The following WWC2 variants were observed in gnomAD, a reference collection of about 807,000 sequenced individuals.
The protein encoded by WWC2 is protein WWC2.
A neutral mutation model predicts 138.5 loss-of-function variants in WWC2; 101 were observed. The ratio of observed to expected loss-of-function variants is 0.73; its 90% CI spans 0.62 to 0.86. The LOEUF (loss-of-function observed/expected upper bound fraction) is 0.86. WWC2 is among the 40% of genes least tolerant of loss of function. The probability of loss-of-function intolerance (pLI) is 0.00; values close to 1 mark genes in which losing one functional copy is unlikely to be tolerated. For synonymous variants in WWC2, 558 were observed against 538.4 expected (o/e 1.04, Z -0.50); for missense variants, 1,420 against 1,419.4 (o/e 1.00, Z -0.01).
At chr4:183,227,478 C>A (rs2111279039) in intron 4 of WWC2, among the ~76,000 whole-genome samples, 1 of 152,120 alleles carries the variant, frequency 6.6e-6, no homozygotes, top group East Asian at 1.9e-4. Flanking sequence ...ATTTGATCTT[C>A]AGATGCTTGA....
intron 1 of WWC2, among the ~76,000 whole-genome samples, chr4:183,132,555 G>A (rs1732959502): frequency 6.6e-6 from 1 of 151,452 alleles, no homozygotes; most frequent in Non-Finnish European, 1.5e-5. Context: ...CCGGGTTCAC[G>A]CCATTCTCCT....
intron 1 of WWC2, among the ~76,000 whole-genome samples, chr4:183,136,341 C>G (rs1230104787): frequency 6.6e-6 from 1 of 152,138 alleles, no homozygotes; most frequent in Non-Finnish European, 1.5e-5. Flanking sequence ...TTGCGACTTT[C>G]ACTTCACAAA....
At chr4:183,170,941 T>G (rs911024723) in intron 1 of WWC2, among the ~76,000 whole-genome samples, 1 of 152,142 alleles carries the variant, frequency 6.6e-6, no homozygotes, top group Non-Finnish European at 1.5e-5. Context: ...CAGTCTCCTA[T>G]TATGACATTT....
At chr4:183,310,747 T>G (rs942782963) in intron 21 of WWC2, among the ~76,000 whole-genome samples, 1 of 146,096 alleles carries the variant, frequency 6.8e-6, no homozygotes, top group African/African-American at 2.5e-5. Context: ...TTGAGCAATC[T>G]TCCCACCTTG....
intron 5 of WWC2, among the ~76,000 whole-genome samples, chr4:183,241,200 C>G (rs531340360): frequency 6.6e-6 from 1 of 152,338 alleles, no homozygotes; most frequent in East Asian, 1.9e-4. Context: ...CCCGGCATCT[C>G]CCGTGGTAGC....
chr4:183,257,062 G>T (rs1304376230), intron 9 of WWC2, among the ~76,000 whole-genome samples: 1 of 152,124 alleles, frequency 6.6e-6, no homozygotes, highest in South Asian at 2.1e-4. Context: ...TGCAGGGAAG[G>T]TGTTTCTATG....
At chr4:183,188,848 G>C (rs1416988178) in intron 1 of WWC2, among the ~76,000 whole-genome samples, 1 of 151,746 alleles carries the variant, frequency 6.6e-6, no homozygotes, top group Non-Finnish European at 1.5e-5. Flanking sequence ...GTTTCACCAA[G>C]TTGGCCAGGC....
At chr4:183,269,285 A>C in intron 15 of WWC2, 122 bp downstream of exon 15, 1 of 931,306 alleles carries the variant, frequency 1.1e-6, no homozygotes, top group East Asian at 2.6e-5. Context: ...ACATCTTGGG[A>C]TACATCTAGT....
intron 1 of WWC2, among the ~76,000 whole-genome samples, chr4:183,170,626 C>A (rs758816563): frequency 6.6e-6 from 1 of 152,176 alleles, no homozygotes; most frequent in Admixed American, 6.5e-5. Context: ...TGTTGATTTT[C>A]ATACTATTTA....
intron 21 of WWC2, among the ~76,000 whole-genome samples, chr4:183,297,147 T>C (rs552681859): frequency 4.6e-5 from 7 of 151,818 alleles, no homozygotes. Flanking sequence ...GCCAATTTTA[T>C]TTTTTTGTAG....
At chr4:183,133,719 A>G (rs371287808) in intron 1 of WWC2, among the ~76,000 whole-genome samples, 5 of 150,958 alleles carry the variant, frequency 3.3e-5, no homozygotes, top group South Asian at 2.1e-4. Context: ...CTGGTCTTGA[A>G]CTCCTCACCT....
intron 4 of WWC2, among the ~76,000 whole-genome samples, chr4:183,223,406 G>A (rs187265250): frequency 2.1e-4 from 32 of 152,260 alleles, no homozygotes; most frequent in African/African-American, 5.5e-4. Context: ...CCATATTTCC[G>A]TCACATCTCA....
At chr4:183,195,439 C>T (rs1023536802) in intron 2 of WWC2, among the ~76,000 whole-genome samples, 3 of 152,174 alleles carry the variant, frequency 2.0e-5, no homozygotes, top group Non-Finnish European at 4.4e-5. Flanking sequence ...TTCAGGGCTT[C>T]CTCCTCTTTC....
chr4:183,272,638 A>G (rs1252043149), intron 16 of WWC2, among the ~76,000 whole-genome samples: 1 of 152,146 alleles, frequency 6.6e-6, no homozygotes, highest in Non-Finnish European at 1.5e-5. Flanking sequence ...ACTAATCTCT[A>G]CTACAAGGCA....
intron 14 of WWC2, among the ~76,000 whole-genome samples, chr4:183,267,855 A>G (rs1267323396): frequency 6.6e-6 from 1 of 152,204 alleles, no homozygotes. Context: ...GGCCTAAATA[A>G]TGACACTGCT....
At chr4:183,283,894 A>G (rs1738161346) in intron 18 of WWC2, among the ~76,000 whole-genome samples, 1 of 152,218 alleles carries the variant, frequency 6.6e-6, no homozygotes, top group Non-Finnish European at 1.5e-5. Context: ...TTATAGAATC[A>G]CTTTAAATCT....
Position 183,319,493 on chromosome 4 carries a change from C to T in WWC2, c.*3764C>T. Reference sequence around the variant, plus strand: ...GCACAGTGAGATGACTAGAGCGGGACATCCTACCAAATCCAGTGTTGAGCA... The same window carrying T: ...GCACAGTGAGATGACTAGAGCGGGATATCCTACCAAATCCAGTGTTGAGCA... On this transcript the variant is annotated 3_prime_UTR_variant, in exon 23 of 23. Transcript: ENST00000403733. 6.8e-7 allele frequency: 1 copy of T among 1,467,334 alleles called. No individual in the cohort carries two copies. Among genetic ancestry groups the T allele is most frequent in the Non-Finnish European group, 9.2e-7 (1 of 1,086,140 alleles). The allele number at this position is 1,467,334 out of a possible 1,614,324, so 90.9% of individuals were successfully genotyped here. A position where few individuals can be genotyped will look rare whatever the true frequency, so the allele number is the denominator to read the frequency against.
At position 183,261,149 on chromosome 4, in the gene WWC2, A is replaced by T. The variant is rs770333903; in HGVS notation, c.1526A>T (p.Glu509Val). 38 of 1,613,820 alleles carry T rather than the reference A, an allele frequency of 2.4e-5. No individual in the cohort carries two copies. Among genetic ancestry groups the T allele is most frequent in the Non-Finnish European group, 2.7e-5 (32 of 1,179,862 alleles). ...SGPITTIHEN[E>V]VVKSPSQPGQ... ...CCCATCACCACCATCCATGAAAACG[A>T]GGTGGTCAAGTCCCCTAGCCAGCCT... Residue 509 changes from glutamate (E) to valine (V), a missense_variant, in exon 11 of 23, where the codon GAG (glutamate) becomes GTG (valine). By Grantham distance (121) the Glu-to-Val change is moderately radical (BLOSUM62 -2). Coordinates refer to ENST00000403733, the MANE Select transcript of WWC2 (RefSeq NM_024949.6).
chr4:183,193,399 A>C (rs188527199), intron 1 of WWC2, among the ~76,000 whole-genome samples, 200 bp from the exon 2 acceptor site: 17 of 152,100 alleles, frequency 1.1e-4, no homozygotes, highest in African/African-American at 3.9e-4. Flanking sequence ...TTTATCTCCA[A>C]ATATTAAGCA....
Sources: gnomAD v4.1 joint callset for allele counts (sites outside exome capture counted in the v4.1 genomes callset) on GRCh38, gnomAD v4.1.1 for gene constraint, MANE v1.5 for transcripts, NCBI Gene and HGNC (gene_info 2026-07-23, HGNC 2026-07-21) for gene names.